ARFIP1: variants seen among roughly 807,000 people sequenced by gnomAD.
ARFIP1 encodes arfaptin-1.
A neutral mutation model predicts 42.5 loss-of-function variants in ARFIP1; 24 were observed. The ratio of observed to expected loss-of-function variants is 0.57; its 90% CI spans 0.41 to 0.80. The LOEUF (loss-of-function observed/expected upper bound fraction) is 0.80, where lower values mean the gene tolerates loss of function less well. ARFIP1 is among the 30% of genes least tolerant of loss of function. ARFIP1 has a pLI of 0.00. For synonymous variants in ARFIP1, 141 were observed against 153.7 expected, an observed-to-expected ratio of 0.92 and a Z score of 0.61; for missense variants, 354 against 434.0, an observed-to-expected ratio of 0.82 and a Z score of 1.64.
chr4:152,868,486 C>G (rs1462549194), intron 3 of ARFIP1, among the ~76,000 whole-genome samples: 1 of 152,082 alleles, frequency 6.6e-6, no homozygotes, highest in Non-Finnish European at 1.5e-5. Context: ...ATTAAAGATA[C>G]AGAAAAGTGA....
chr4:152,808,418 C>T (rs1341695234), intron 1 of ARFIP1, among the ~76,000 whole-genome samples: 1 of 149,024 alleles, frequency 6.7e-6, no homozygotes, highest in Non-Finnish European at 1.5e-5. Context: ...AGGTTTTGGC[C>T]ATTATAGGTA....
At chr4:152,880,042 A>C (rs368658257) in intron 5 of ARFIP1, among the ~76,000 whole-genome samples, 22 of 152,136 alleles carry the variant, frequency 1.4e-4, no homozygotes, top group African/African-American at 5.1e-4. Flanking sequence ...GATACTTTTT[A>C]AAAATTACAG....
chr4:152,829,727 G>A lies in ARFIP1; in HGVS notation c.93+1G>A, dbSNP rs1175740362. 9.5e-6 allele frequency: 15 copies of A among 1,584,740 alleles called. No homozygotes were observed. The highest frequency in any genetic ancestry group is 1.3e-5 in the Non-Finnish European group (15 of 1,164,086). On this transcript the variant is annotated splice_donor_variant, in intron 2 of 8. Coordinates refer to ENST00000353617, the MANE Select transcript of ARFIP1 (RefSeq NM_001025595.3). LOFTEE classifies it high-confidence loss of function. ...CTCTCGTGAACATAGCTTTAATAGGGTAAGAACACTTTTCTTTCTCTTAAT... is the reference window on the plus strand; with the variant it reads ...CTCTCGTGAACATAGCTTTAATAGGATAAGAACACTTTTCTTTCTCTTAAT...
In ARFIP1 at chr4:152,911,404, T is replaced by C. The variant is rs1191198093; in HGVS notation, c.*1185T>C. The stretch of plus-strand genomic sequence containing the variant: ...GAAGAGGTAATTTGGGACAGTGTGG[T>C]GGTACCAGGAAGAAAGAGGATTGGA... On this transcript the variant is annotated 3_prime_UTR_variant, in exon 9 of 9. Transcript: ENST00000353617. The C allele has an allele frequency of 2.0e-5, 3 of 152,394 alleles. No homozygotes were observed. The East Asian group carries it at 5.8e-4, about 29-fold the overall frequency. 9.4% of individuals were successfully genotyped at this position (152,394 alleles called of 1,614,324 possible). A position where few individuals can be genotyped will look rare whatever the true frequency, so the allele number is the denominator to read the frequency against.
intron 1 of ARFIP1, among the ~76,000 whole-genome samples, chr4:152,816,502 G>A (rs940023165): frequency 1.3e-5 from 2 of 152,088 alleles, no homozygotes; most frequent in Admixed American, 1.3e-4. Context: ...CTTTATTCAG[G>A]TCTCACAAAA....
intron 8 of ARFIP1, among the ~76,000 whole-genome samples, chr4:152,899,465 T>C (rs1737637908): frequency 6.6e-6 from 1 of 152,236 alleles, no homozygotes; most frequent in African/African-American, 2.4e-5. Context: ...CCAACTTTTT[T>C]TGAGATAACT....
chr4:152,871,241 A>C (rs1734850851), intron 4 of ARFIP1, among the ~76,000 whole-genome samples: 1 of 152,210 alleles, frequency 6.6e-6, no homozygotes. Flanking sequence ...GTTTTTAAGA[A>C]TGGATTAAAT....
In ARFIP1 at chr4:152,876,701, G is replaced by A. The variant is rs190011364; in HGVS notation, c.411+4137G>A. 3.3e-5 allele frequency among the ~76,000 whole-genome samples: 5 copies of A among 152,312 alleles called. No homozygotes were observed. In the East Asian group the frequency reaches 7.7e-4, roughly 24 times the overall value. On this transcript the variant is annotated intron_variant, in intron 5 of 8. Transcript: ENST00000353617. ...TTCAGGCCATGTCAGAAATCTTCAC[G>A]GCAGCCCCTTCCATCACAGGCCTGG...
At chr4:152,796,173 C>A in intron 1 of ARFIP1, 1 of 757,588 alleles carries the variant, frequency 1.3e-6, no homozygotes, top group Non-Finnish European at 2.4e-6. Context: ...CCACTTCACT[C>A]ACATTTACCT....
At chr4:152,874,837 A>AT (rs1182604207) in intron 5 of ARFIP1, among the ~76,000 whole-genome samples, 1 of 151,742 alleles carries the variant, frequency 6.6e-6, no homozygotes, top group Non-Finnish European at 1.5e-5. Context: ...CTAATTTCTT[A>AT]TTTTTTGTGG....
chr4:152,822,843 TA>T (rs1214756677), intron 1 of ARFIP1, among the ~76,000 whole-genome samples: 1 of 152,078 alleles, frequency 6.6e-6, no homozygotes, highest in Non-Finnish European at 1.5e-5. Flanking sequence ...GATGGAAATT[TA>T]AAAAATTTTT....
intron 1 of ARFIP1, among the ~76,000 whole-genome samples, chr4:152,814,836 G>A (rs1407432804): frequency 2.6e-5 from 4 of 152,234 alleles, no homozygotes; most frequent in Admixed American, 6.5e-5. Context: ...CCTAGGAGAC[G>A]GAAAGTTACT....
At chr4:152,813,023 C>G (rs1729591038) in intron 1 of ARFIP1, among the ~76,000 whole-genome samples, 1 of 152,184 alleles carries the variant, frequency 6.6e-6, no homozygotes, top group Non-Finnish European at 1.5e-5. Context: ...TCAGTCTAGC[C>G]TCCCACCAGG....
chr4:152,788,523 T>C (rs1167404668), intron 1 of ARFIP1, among the ~76,000 whole-genome samples: 1 of 151,938 alleles, frequency 6.6e-6, no homozygotes, highest in Non-Finnish European at 1.5e-5. Context: ...CTACCAAAAA[T>C]ACAAAAAATT....
rs1738807118 is a variant in ARFIP1 at position 152,910,992 on chromosome 4, A to G, written c.*773A>G. Reference sequence around the variant, plus strand: ...GTGGACGTGGGAATGGAAATTCTTAATGGTTTCTGGAGTAGAAATCTGTAC... The same window carrying G: ...GTGGACGTGGGAATGGAAATTCTTAGTGGTTTCTGGAGTAGAAATCTGTAC... On this transcript the variant is annotated 3_prime_UTR_variant, in exon 9 of 9. Coordinates refer to ENST00000353617, the MANE Select transcript of ARFIP1 (RefSeq NM_001025595.3). 1 of 152,628 alleles carries G rather than the reference A, an allele frequency of 6.6e-6. No homozygotes were observed. Among genetic ancestry groups the G allele is most frequent in the Non-Finnish European group, 1.5e-5 (1 of 68,032 alleles). The allele number at this position is 152,628 out of a possible 1,614,324, so 9.5% of individuals were successfully genotyped here.
intron 2 of ARFIP1, among the ~76,000 whole-genome samples, chr4:152,830,046 C>G (rs768922957): frequency 6.6e-6 from 1 of 152,116 alleles, no homozygotes; most frequent in African/African-American, 2.4e-5. Flanking sequence ...TTAAAATTGG[C>G]ACTAATAACT....
chr4:152,811,090 C>CTTTTTTTTT (rs5863021), intron 1 of ARFIP1, among the ~76,000 whole-genome samples: 3 of 74,432 alleles, frequency 4.0e-5, no homozygotes, highest in Non-Finnish European at 5.0e-5. Context: ...AAGGTTAAGC[C>CTTTTTTTTT]TTTTTTTTTT....
intron 1 of ARFIP1, among the ~76,000 whole-genome samples, chr4:152,789,080 CTTTTTTTTTTTTT>C (rs71598215): frequency 3.9e-4 from 28 of 71,862 alleles, no homozygotes; most frequent in African/African-American, 1.4e-3. Flanking sequence ...AGAATACAGA[CTTTTTTTTTTTTT>C]TTTTTTTTTT....
chr4:152,898,371 A>G (rs1352571944), intron 8 of ARFIP1, among the ~76,000 whole-genome samples: 1 of 152,050 alleles, frequency 6.6e-6, no homozygotes, highest in East Asian at 1.9e-4. Flanking sequence ...TGACTTATCT[A>G]TACTTTGCTG....
Sources: gnomAD v4.1 joint callset for allele counts (sites outside exome capture counted in the v4.1 genomes callset) on GRCh38, gnomAD v4.1.1 for gene constraint, MANE v1.5 for transcripts, NCBI Gene and HGNC (gene_info 2026-07-23, HGNC 2026-07-21) for gene names.